PCDHGA4: variants seen among roughly 807,000 people sequenced by gnomAD.
The protein encoded by PCDHGA4 is protocadherin gamma-A4.
PCDHGA4 carries 38 observed loss-of-function variants against 54.6 expected under a neutral mutation model. That is an observed-to-expected ratio of 0.70 (90% confidence interval 0.54 to 0.91). The LOEUF is 0.91. Among genes scored for constraint, PCDHGA4 ranks in the 40% least tolerant of loss-of-function variants. PCDHGA4 has a pLI of 0.00. For missense variants in PCDHGA4, 1,298 were observed against 1,220.9 expected, an observed-to-expected ratio of 1.06 and a Z score of -0.94; for synonymous variants, 511 against 512.9, an observed-to-expected ratio of 1.00 and a Z score of 0.05.
chr5:141,404,862 C>A, intron 1 of PCDHGA4: 1 of 1,613,848 alleles, frequency 6.2e-7, no homozygotes, highest in Non-Finnish European at 8.5e-7. Context: ...GATAGAGATG[C>A]GCTCAAACAG....
chr5:141,405,090 C>A, intron 1 of PCDHGA4: 1 of 1,613,950 alleles, frequency 6.2e-7, no homozygotes, highest in Non-Finnish European at 8.5e-7. Flanking sequence ...ACGCTGCTGG[C>A]CCTCAGGCTG....
At chr5:141,393,768 A>G in intron 1 of PCDHGA4, 1 of 1,613,968 alleles carries the variant, frequency 6.2e-7, no homozygotes, top group East Asian at 2.2e-5. Flanking sequence ...TGAAATGGAA[A>G]TACAAGCCGA....
At chr5:141,366,655 C>G in intron 1 of PCDHGA4, 2 of 1,614,220 alleles carry the variant, frequency 1.2e-6, no homozygotes, top group Non-Finnish European at 1.7e-6. Context: ...AGCCCAACTA[C>G]GCAGACACGC....
In PCDHGA4 at chr5:141,355,499, C is replaced by T. The variant is rs770091797; in HGVS notation, c.392C>T (p.Pro131Leu). The stretch of plus-strand genomic sequence containing the variant: ...AGGGAGGAGCTCTGCGACAGATCTC[C>T]AAACTGTGTGACAAACCTGGAGATT... Reference protein sequence around the residue: ...IDREELCDRSPNCVTNLEILL... With the variant: ...IDREELCDRSLNCVTNLEILL... Residue 131 changes from proline to leucine, a missense_variant, in exon 1 of 4, where the codon CCA becomes CTA. Transcript: ENST00000571252. The T allele has an allele frequency of 6.2e-7, 1 of 1,614,044 alleles. No homozygotes were observed. Among genetic ancestry groups the T allele is most frequent in the South Asian group, 1.1e-5 (1 of 91,086 alleles).
At chr5:141,404,221 T>C (rs1028021504) in intron 1 of PCDHGA4, 2 of 1,613,766 alleles carry the variant, frequency 1.2e-6, no homozygotes, top group Non-Finnish European at 1.7e-6. Context: ...TCACGGTGAC[T>C]GCAACAGACA....
At chr5:141,451,018 C>T (rs1307161489) in intron 1 of PCDHGA4, among the ~76,000 whole-genome samples, 7 of 151,264 alleles carry the variant, frequency 4.6e-5, no homozygotes, top group African/African-American at 1.5e-4. Flanking sequence ...TTAGTAGAGA[C>T]GAGGTTTCAC....
intron 1 of PCDHGA4, among the ~76,000 whole-genome samples, chr5:141,456,985 A>C (rs2098902590): frequency 6.6e-6 from 1 of 152,204 alleles, no homozygotes; most frequent in Non-Finnish European, 1.5e-5. Context: ...ACAAACAAAC[A>C]AACAAAAACT....
At chr5:141,375,790 A>G (rs1284123678) in intron 1 of PCDHGA4, 9 of 1,614,216 alleles carry the variant, frequency 5.6e-6, no homozygotes, top group African/African-American at 2.7e-5. Context: ...CCCTCCCCAC[A>G]GACGGTTCCA....
At chr5:141,499,343 G>C (rs1184175548) in intron 2 of PCDHGA4, among the ~76,000 whole-genome samples, 1 of 152,146 alleles carries the variant, frequency 6.6e-6, no homozygotes, top group Non-Finnish European at 1.5e-5. Context: ...AGTTTGGGCA[G>C]TCATTCAACA....
At position 141,476,161 on chromosome 5, in the gene PCDHGA4, G is replaced by A. The variant is rs748660112; in HGVS notation, c.2515-18646G>A. 21 of 1,613,012 alleles carry A rather than the reference G, an allele frequency of 1.3e-5. No homozygotes were observed. Among genetic ancestry groups the A allele is most frequent in the Non-Finnish European group, 1.8e-5 (21 of 1,179,922 alleles). On this transcript the variant is annotated intron_variant, in intron 1 of 3. Transcript: ENST00000571252. The surrounding 1 kb of genome is among the most constrained non-coding windows in gnomAD (Gnocchi z 7.6). ...GGAGCGGACTGGTAAGCACCGGGAG[G>A]GTAGTGGGAGTTTTGCTTCTGCTTG... is the stretch of plus-strand genomic sequence containing the variant.
chr5:141,460,275 A>G (rs2154566824), intron 1 of PCDHGA4, among the ~76,000 whole-genome samples: 1 of 152,098 alleles, frequency 6.6e-6, no homozygotes, highest in East Asian at 1.9e-4. Context: ...TTTTTCTTTT[A>G]TAGTTTGTAT....
Position 141,355,721 on chromosome 5 carries a change from C to CA in PCDHGA4, c.617dup (p.Asn206LysfsTer16). ...TCCCTGCAGGGTTACCAGCTCAACT[C>CA]AAACGGTTACTTTTCCCTGGACGTG... On this transcript the variant is annotated frameshift_variant, in exon 1 of 4. Transcript: ENST00000571252. LOFTEE classifies it high-confidence loss of function. The CA allele has an allele frequency of 6.2e-7, 1 of 1,614,008 alleles. No individual in the cohort carries two copies. Among genetic ancestry groups the CA allele is most frequent in the Non-Finnish European group, 8.5e-7 (1 of 1,179,892 alleles).
intron 1 of PCDHGA4, among the ~76,000 whole-genome samples, chr5:141,481,194 T>C (rs74538051): frequency 0.017 from 2,576 of 152,298 alleles, 78 homozygotes; most frequent in African/African-American, 0.059. Context: ...CCAGGCCCAA[T>C]TTTTTTAAAA....
intron 1 of PCDHGA4, chr5:141,375,726 T>C (rs1771809693): frequency 6.2e-7 from 1 of 1,614,262 alleles, no homozygotes; most frequent in East Asian, 2.2e-5. Flanking sequence ...AACGTGTCAC[T>C]GAGCCTGTTT....
Position 141,491,758 on chromosome 5 carries a change from C to A in PCDHGA4, c.2515-3049C>A. The stretch of plus-strand genomic sequence containing the variant: ...TGGGGGCGGCACTGGAGAAGCCGCC[C>A]GTCCTCATAAGGGATTGAACTTGCA... On this transcript the variant is annotated intron_variant, in intron 1 of 3. Coordinates refer to ENST00000571252, the MANE Select transcript of PCDHGA4 (RefSeq NM_018917.4). This position sits in a 1 kb window ranked among gnomAD's most constrained non-coding sequence, Gnocchi z 6.9. 6.3e-7 allele frequency: 1 copy of A among 1,578,788 alleles called. No homozygotes were observed. Among genetic ancestry groups the A allele is most frequent in the Non-Finnish European group, 8.6e-7 (1 of 1,163,522 alleles).
At chr5:141,381,826 C>CTTTTTTTTTTTTTTTTTTTTTTTTTTT (rs770630741) in intron 1 of PCDHGA4, among the ~76,000 whole-genome samples, 2 of 74,278 alleles carry the variant, frequency 2.7e-5, no homozygotes, top group African/African-American at 6.2e-5. Flanking sequence ...CTTTCTTCTT[C>CTTTTTTTTTTTTTTTTTTTTTTTTTTT]TTTTTTTTTT....
rs1223618064 is a variant in PCDHGA4 at position 141,512,867 on chromosome 5, C to T, written c.*1694C>T. On this transcript the variant is annotated 3_prime_UTR_variant, in exon 4 of 4. Transcript: ENST00000571252. The stretch of plus-strand genomic sequence containing the variant: ...ATAAGCGCTTCTCTTCGCATAGTCA[C>T]GTAGCTCCCACCCCACCCTCTTCCT... 1 of 152,184 alleles carries T rather than the reference C, an allele frequency of 6.6e-6. No homozygotes were observed. The highest frequency in any genetic ancestry group is 1.5e-5 in the Non-Finnish European group (1 of 68,056). The allele number at this position is 152,184 out of a possible 1,614,324, so 9.4% of individuals were successfully genotyped here. A position where few individuals can be genotyped will look rare whatever the true frequency, so the allele number is the denominator to read the frequency against.
intron 1 of PCDHGA4, among the ~76,000 whole-genome samples, chr5:141,461,054 T>C (rs984461416): frequency 6.6e-6 from 1 of 151,758 alleles, no homozygotes; most frequent in African/African-American, 2.4e-5. Context: ...GGGACTTAGG[T>C]TGGTTTCACA....
At chr5:141,372,380 A>G in intron 1 of PCDHGA4, 1 of 1,613,964 alleles carries the variant, frequency 6.2e-7, no homozygotes, top group Non-Finnish European at 8.5e-7. Context: ...TGCTGCACCT[A>G]ATCTTCGCAG....
Sources: allele counts gnomAD v4.1 joint callset (sites outside exome capture counted in the v4.1 genomes callset), GRCh38; gene constraint gnomAD v4.1.1; non-coding constraint Gnocchi (gnomAD v3.1); transcripts MANE v1.5; gene names NCBI Gene and HGNC (gene_info 2026-07-23, HGNC 2026-07-21).